IPCEF1: variants seen among roughly 807,000 people sequenced by gnomAD.
IPCEF1 encodes the protein interaction protein for cytohesin exchange factors 1.
In IPCEF1, 31 loss-of-function variants were observed where a neutral mutation model predicts 50.9. That is an observed-to-expected ratio of 0.61 (90% CI 0.46 to 0.82). The LOEUF (loss-of-function observed/expected upper bound fraction) is 0.82. Among genes scored for constraint, IPCEF1 ranks in the 40% least tolerant of loss-of-function variants. IPCEF1 has a pLI of 0.00. For synonymous variants in IPCEF1, 181 were observed against 192.0 expected (o/e 0.94, Z 0.47); for missense variants, 458 against 514.0 (o/e 0.89, Z 1.05).
At chr6:154,297,270 G>A (rs887048501) in intron 1 of IPCEF1, among the ~76,000 whole-genome samples, 6 of 152,026 alleles carry the variant, frequency 3.9e-5, no homozygotes, top group African/African-American at 1.4e-4. Flanking sequence ...GCACTCCTGG[G>A]CTCATGCAAT....
rs559942171 is a variant in IPCEF1, at chr6:154,196,645, T to G, written c.910+3023A>C. 2.3e-3 allele frequency among the ~76,000 whole-genome samples: 355 copies of G among 152,310 alleles called. 1 individual carries two copies. The highest frequency in any genetic ancestry group is 8.4e-3 in the African/African-American group (348 of 41,558). On this transcript the variant is annotated intron_variant, in intron 10 of 11. Transcript: ENST00000367220. ...TATGTGACTTACTATCACACAGGCA[T>G]AAGTCATGGTTCAAAAAATTTCTAA... is the stretch of plus-strand genomic sequence containing the variant.
intron 10 of IPCEF1, among the ~76,000 whole-genome samples, chr6:154,174,488 A>C (rs901181519): frequency 3.3e-5 from 5 of 152,164 alleles, no homozygotes; most frequent in African/African-American, 1.2e-4. Flanking sequence ...CTATCAAGCA[A>C]ATGGAAAGCA....
chr6:154,336,791 G>A (rs78826628), intron 1 of IPCEF1, among the ~76,000 whole-genome samples: 2,224 of 152,042 alleles, frequency 0.015, 53 homozygotes, highest in African/African-American at 0.05. Context: ...ATTTTTTGTT[G>A]AGACAAGGTC....
chr6:154,293,093 G>A (rs996967295), intron 1 of IPCEF1, among the ~76,000 whole-genome samples: 3 of 152,168 alleles, frequency 2.0e-5, no homozygotes, highest in African/African-American at 7.2e-5. Flanking sequence ...TCGCAGTGCT[G>A]TTTAGTTAAG....
intron 2 of IPCEF1, among the ~76,000 whole-genome samples, chr6:154,275,599 A>C (rs760487458): frequency 6.6e-6 from 1 of 152,342 alleles, no homozygotes; most frequent in Non-Finnish European, 1.5e-5. Context: ...TTCTGTCTGC[A>C]GAAGATGAAA....
At chr6:154,167,857 G>T in intron 11 of IPCEF1, 63 bp downstream of exon 11, 3 of 1,261,300 alleles carry the variant, frequency 2.4e-6, no homozygotes, top group African/African-American at 1.5e-5. Context: ...GAATCTCTCT[G>T]CAGAACCAGC....
chr6:154,260,597 T>G (rs1781573990), intron 3 of IPCEF1, among the ~76,000 whole-genome samples: 1 of 151,894 alleles, frequency 6.6e-6, no homozygotes. Context: ...CTTAGCCTCC[T>G]GAGTAGCTGG....
intron 7 of IPCEF1, among the ~76,000 whole-genome samples, chr6:154,215,121 G>T (rs888918161): frequency 1.3e-5 from 2 of 152,010 alleles, no homozygotes; most frequent in East Asian, 3.9e-4. Context: ...TTATCAATTC[G>T]TCTATGCTTT....
intron 1 of IPCEF1, among the ~76,000 whole-genome samples, chr6:154,354,439 T>A (rs1453484400): frequency 1.3e-3 from 181 of 135,550 alleles, no homozygotes; most frequent in Non-Finnish European, 2.1e-3. Flanking sequence ...CTCCACCATC[T>A]CCTCCACCAC....
At chr6:154,257,238 C>G (rs1781483125) in intron 3 of IPCEF1, among the ~76,000 whole-genome samples, 1 of 152,164 alleles carries the variant, frequency 6.6e-6, no homozygotes. Flanking sequence ...ACTGTTTCCT[C>G]CATTTATCTT....
At chr6:154,195,178 C>T (rs1488460016) in intron 10 of IPCEF1, among the ~76,000 whole-genome samples, 5 of 138,440 alleles carry the variant, frequency 3.6e-5, no homozygotes, top group East Asian at 4.3e-4. Flanking sequence ...GACAGAATCT[C>T]GCTCTGTCAC....
chr6:154,187,214 T>G (rs1313790135), intron 10 of IPCEF1, among the ~76,000 whole-genome samples: 1 of 152,166 alleles, frequency 6.6e-6, no homozygotes, highest in Non-Finnish European at 1.5e-5. Context: ...TTTCCAGGAC[T>G]ACCAATGTAA....
chr6:154,220,993 C>A (rs1378662008), intron 7 of IPCEF1, among the ~76,000 whole-genome samples: 7 of 152,202 alleles, frequency 4.6e-5, no homozygotes, highest in African/African-American at 1.2e-4. Context: ...CTCCTTTTAA[C>A]ATGTTCTTTT....
intron 1 of IPCEF1, among the ~76,000 whole-genome samples, chr6:154,327,731 A>G (rs896954512): frequency 5.3e-5 from 8 of 152,242 alleles, no homozygotes; most frequent in African/African-American, 1.9e-4. Flanking sequence ...TATGTACCCA[A>G]AGGAATAGAA....
chr6:154,272,621 A>T (rs1011158530), intron 2 of IPCEF1, among the ~76,000 whole-genome samples: 21 of 152,252 alleles, frequency 1.4e-4, no homozygotes, highest in African/African-American at 4.1e-4. Flanking sequence ...AATGAGTAAT[A>T]AAGTCAATTT....
chr6:154,284,598 G>T (rs1157689214), intron 2 of IPCEF1, among the ~76,000 whole-genome samples: 1 of 152,192 alleles, frequency 6.6e-6, no homozygotes, highest in Admixed American at 6.5e-5. Flanking sequence ...TGACATGGTG[G>T]TGTTGCAGGA....
At chr6:154,178,642 A>G (rs1468728125) in intron 10 of IPCEF1, among the ~76,000 whole-genome samples, 1 of 152,252 alleles carries the variant, frequency 6.6e-6, no homozygotes, top group African/African-American at 2.4e-5. Context: ...GTAACCAGAC[A>G]TGAAAACAGA....
intron 1 of IPCEF1, among the ~76,000 whole-genome samples, chr6:154,290,691 G>C (rs532103444): frequency 6.6e-6 from 1 of 152,102 alleles, no homozygotes; most frequent in East Asian, 1.9e-4. Flanking sequence ...GAAGATCTGG[G>C]TAGCAAATTA....
chr6:154,237,930 G>A (rs1449334876), intron 5 of IPCEF1, among the ~76,000 whole-genome samples: 1 of 151,996 alleles, frequency 6.6e-6, no homozygotes, highest in East Asian at 1.9e-4. Flanking sequence ...TTATTTTTAA[G>A]TTAGTGTGTG....
Sources: gnomAD v4.1 joint callset for allele counts (sites outside exome capture counted in the v4.1 genomes callset) on GRCh38, gnomAD v4.1.1 for gene constraint, MANE v1.5 for transcripts, NCBI Gene and HGNC (gene_info 2026-07-23, HGNC 2026-07-21) for gene names.